The following FCHO2 variants were observed in gnomAD, a reference collection of about 807,000 sequenced individuals.
FCHO2 encodes the protein F-BAR domain only protein 2.
Under a neutral mutation model 114.1 loss-of-function variants are expected in FCHO2, and 43 were observed. The ratio of observed to expected loss-of-function variants is 0.38; its 90% CI spans 0.30 to 0.49. The LOEUF is 0.49. FCHO2 is among the 20% of genes least tolerant of loss of function. The probability of loss-of-function intolerance (pLI) is 0.97; values close to 1 mark genes in which losing one functional copy is unlikely to be tolerated. For synonymous variants in FCHO2, 293 were observed against 315.2 expected, an observed-to-expected ratio of 0.93 and a Z score of 0.75; for missense variants, 807 against 950.4, an observed-to-expected ratio of 0.85 and a Z score of 1.98.
chr5:73,058,864 G>T (rs1432222927), intron 17 of FCHO2, among the ~76,000 whole-genome samples: 1 of 151,968 alleles, frequency 6.6e-6, no homozygotes, highest in African/African-American at 2.4e-5. Flanking sequence ...AGTTTAAGTT[G>T]CATCTAATTT....
chr5:73,027,565 GATA>G (rs1756007626), intron 8 of FCHO2, among the ~76,000 whole-genome samples: 2 of 152,110 alleles, frequency 1.3e-5, no homozygotes, highest in South Asian at 4.1e-4. Context: ...GGACACAGGT[GATA>G]ACCTGAAAAG....
intron 5 of FCHO2, among the ~76,000 whole-genome samples, chr5:73,003,641 T>C (rs1426416647): frequency 6.6e-6 from 1 of 152,184 alleles, no homozygotes; most frequent in Non-Finnish European, 1.5e-5. Context: ...AATAATTTAG[T>C]GAGCAGCAGA....
intron 11 of FCHO2, among the ~76,000 whole-genome samples, chr5:73,046,586 A>G (rs1173013827): frequency 2.0e-5 from 3 of 152,192 alleles, no homozygotes; most frequent in African/African-American, 7.2e-5. Context: ...GTGTGTTTTT[A>G]GGGTACTTGG....
chr5:73,057,790 C>T (rs1332944865), intron 16 of FCHO2, among the ~76,000 whole-genome samples: 1 of 152,070 alleles, frequency 6.6e-6, no homozygotes, highest in Non-Finnish European at 1.5e-5. Flanking sequence ...ACGTGTGCTG[C>T]TCTTTTTTAT....
At chr5:73,077,597 A>T (rs1411733162) in intron 21 of FCHO2, 104 bp downstream of exon 21, 1 of 1,246,770 alleles carries the variant, frequency 8.0e-7, no homozygotes, top group Admixed American at 2.8e-5. Context: ...TGGGAGGCTG[A>T]GGCAGGTGGA....
intron 6 of FCHO2, among the ~76,000 whole-genome samples, chr5:73,007,575 T>C (rs1208259877): frequency 6.6e-6 from 1 of 152,188 alleles, no homozygotes; most frequent in East Asian, 1.9e-4. Context: ...TGTCTTCCCA[T>C]TTGAAGTAGT....
At chr5:73,066,154 A>G (rs1393715576) in intron 18 of FCHO2, among the ~76,000 whole-genome samples, 8 of 152,054 alleles carry the variant, frequency 5.3e-5, no homozygotes, top group African/African-American at 1.9e-4. Context: ...ATATTAAAAT[A>G]AAGTGGGACT....
intron 3 of FCHO2, 111 bp from the exon 4 acceptor site, chr5:72,990,367 C>T: frequency 1.3e-6 from 1 of 752,608 alleles, no homozygotes; most frequent in Non-Finnish European, 2.0e-6. Context: ...TCATCTTTTG[C>T]CTAAATAAAG....
chr5:73,044,624 A>G (rs1202219722), intron 11 of FCHO2, among the ~76,000 whole-genome samples: 1 of 152,138 alleles, frequency 6.6e-6, no homozygotes, highest in East Asian at 1.9e-4. Flanking sequence ...TATTTTTAGC[A>G]ACTGCATCTT....
intron 8 of FCHO2, among the ~76,000 whole-genome samples, chr5:73,029,239 T>G (rs188047880): frequency 1.3e-5 from 2 of 152,190 alleles, no homozygotes; most frequent in South Asian, 2.1e-4. Flanking sequence ...TGAAAGGATA[T>G]GGTTGCAACT....
chr5:73,031,236 A>C (rs975807725), intron 8 of FCHO2, among the ~76,000 whole-genome samples: 65 of 152,338 alleles, frequency 4.3e-4, no homozygotes, highest in Middle Eastern at 3.4e-3. Context: ...TATGAGTCAC[A>C]ACTCTTTCCT....
intron 7 of FCHO2, among the ~76,000 whole-genome samples, chr5:73,016,687 A>G (rs899698260): frequency 7.0e-6 from 1 of 143,242 alleles, no homozygotes; most frequent in Non-Finnish European, 1.5e-5. Context: ...TTTAAATATT[A>G]AAAAAGATTT....
intron 8 of FCHO2, among the ~76,000 whole-genome samples, chr5:73,030,567 C>T (rs1756183951): frequency 6.6e-6 from 1 of 152,210 alleles, no homozygotes; most frequent in Non-Finnish European, 1.5e-5. Flanking sequence ...ATTGGAGAAG[C>T]ACTGTCTAGA....
At chr5:73,086,924 C>T (rs1325917062) in intron 24 of FCHO2, among the ~76,000 whole-genome samples, 2 of 152,168 alleles carry the variant, frequency 1.3e-5, no homozygotes. Flanking sequence ...ACACCATCAT[C>T]CCCACCACCA....
intron 17 of FCHO2, 123 bp from the exon 18 acceptor site, chr5:73,063,718 A>G (rs1369128922): frequency 3.7e-6 from 3 of 803,560 alleles, no homozygotes; most frequent in Non-Finnish European, 6.2e-6. Flanking sequence ...ATTACATCTA[A>G]AAAAAGAGCC....
At chr5:72,971,002 C>T (rs1164698777) in intron 2 of FCHO2, among the ~76,000 whole-genome samples, 1 of 152,132 alleles carries the variant, frequency 6.6e-6, no homozygotes, top group Non-Finnish European at 1.5e-5. Context: ...TTTCCAGTTT[C>T]ATCCATGTCC....
chr5:73,070,725 A>G (rs1742602606), intron 19 of FCHO2, among the ~76,000 whole-genome samples: 1 of 152,042 alleles, frequency 6.6e-6, no homozygotes, highest in African/African-American at 2.4e-5. Flanking sequence ...AATACAGGCA[A>G]GGCAGGTTGT....
At chr5:72,995,261 T>G (rs1455002000) in intron 5 of FCHO2, among the ~76,000 whole-genome samples, 1 of 148,386 alleles carries the variant, frequency 6.7e-6, no homozygotes, top group Non-Finnish European at 1.5e-5. Flanking sequence ...ACTGGGTAAT[T>G]TTTTTTTTTT....
chr5:72,978,417 AT>A (rs1753001429), intron 2 of FCHO2, among the ~76,000 whole-genome samples: 1 of 152,024 alleles, frequency 6.6e-6, no homozygotes, highest in Non-Finnish European at 1.5e-5. Context: ...TTTGTCTATT[AT>A]TGGTGTATAG....
Sources: gnomAD v4.1 joint callset for allele counts (sites outside exome capture counted in the v4.1 genomes callset) on GRCh38, gnomAD v4.1.1 for gene constraint, MANE v1.5 for transcripts, NCBI Gene and HGNC (gene_info 2026-07-23, HGNC 2026-07-21) for gene names.